RORB: variants seen among roughly 807,000 people sequenced by gnomAD.
RORB encodes nuclear receptor ROR-beta.
RORB carries 6 observed loss-of-function variants against 59.1 expected under a neutral mutation model. That is an observed-to-expected ratio of 0.10 (90% CI 0.06 to 0.20). The LOEUF is 0.20. Ranked by LOEUF, RORB falls within the 10% of genes least tolerant of loss-of-function variation. The pLI is 1.00. For missense variants in RORB, 320 were observed against 560.5 expected (o/e 0.57, Z 4.33); for synonymous variants, 215 against 204.5 (o/e 1.05, Z -0.44).
intron 1 of RORB, among the ~76,000 whole-genome samples, chr9:74,529,706 T>C (rs1463192127): frequency 6.6e-6 from 1 of 151,928 alleles, no homozygotes; most frequent in Non-Finnish European, 1.5e-5. Context: ...TGTTGGATAT[T>C]GTCATTTTTA....
intron 1 of RORB, 72 bp downstream of exon 1, chr9:74,498,055 G>A: frequency 6.4e-6 from 10 of 1,553,712 alleles, no homozygotes; most frequent in Non-Finnish European, 7.9e-6. Context: ...ATGGGGGAGG[G>A]GAGGGCACCC....
At chr9:74,563,184 C>CTTTTTT (rs766404071) in intron 1 of RORB, among the ~76,000 whole-genome samples, 5 of 127,118 alleles carry the variant, frequency 3.9e-5, no homozygotes, top group African/African-American at 5.9e-5. Context: ...TCTCTTCAGT[C>CTTTTTT]TTTTTTTTTT....
At chr9:74,585,047 G>C (rs1337079025) in intron 1 of RORB, among the ~76,000 whole-genome samples, 1 of 152,198 alleles carries the variant, frequency 6.6e-6, no homozygotes, top group East Asian at 1.9e-4. Flanking sequence ...GGTCCAGCCA[G>C]AGATCTTCAG....
intron 4 of RORB, among the ~76,000 whole-genome samples, chr9:74,643,561 A>G (rs1823845683): frequency 6.6e-6 from 1 of 152,216 alleles, no homozygotes; most frequent in Non-Finnish European, 1.5e-5. Flanking sequence ...TCAGGAGTCT[A>G]TTAAATGTTT....
At chr9:74,678,524 A>G (rs557577587) in intron 9 of RORB, among the ~76,000 whole-genome samples, 8 of 152,366 alleles carry the variant, frequency 5.3e-5, no homozygotes, top group African/African-American at 1.9e-4. Context: ...GAAGGCTTAA[A>G]CAACAATGCT....
At chr9:74,566,084 A>G (rs1822464262) in intron 1 of RORB, among the ~76,000 whole-genome samples, 1 of 152,148 alleles carries the variant, frequency 6.6e-6, no homozygotes, top group Non-Finnish European at 1.5e-5. Context: ...ATTGAGGGCA[A>G]TGGTAAATCT....
chr9:74,660,835 T>G, intron 5 of RORB, 97 bp downstream of exon 5: 1 of 1,284,512 alleles, frequency 7.8e-7, no homozygotes, highest in African/African-American at 1.5e-5. Flanking sequence ...GGCAATTCTT[T>G]TCTGTAAGGG....
intron 1 of RORB, among the ~76,000 whole-genome samples, chr9:74,561,590 T>G (rs985213039): frequency 2.0e-5 from 3 of 152,130 alleles, no homozygotes; most frequent in Non-Finnish European, 4.4e-5. Context: ...TATTTTTTAT[T>G]TTGAAATACC....
chr9:74,552,062 G>A (rs554482945), intron 1 of RORB, among the ~76,000 whole-genome samples: 1 of 152,308 alleles, frequency 6.6e-6, no homozygotes, highest in Non-Finnish European at 1.5e-5. Flanking sequence ...AATGCTGGGG[G>A]GCCGTCAGGT....
intron 4 of RORB, among the ~76,000 whole-genome samples, chr9:74,651,621 T>C (rs1440623215): frequency 6.6e-6 from 1 of 151,954 alleles, no homozygotes; most frequent in African/African-American, 2.4e-5. Context: ...AAAACATCGC[T>C]GATGCCAAAT....
chr9:74,582,974 A>G (rs1822746480), intron 1 of RORB, among the ~76,000 whole-genome samples: 1 of 152,142 alleles, frequency 6.6e-6, no homozygotes, highest in African/African-American at 2.4e-5. Flanking sequence ...AAGAGCTTCA[A>G]CCTTCTCAGG....
chr9:74,522,943 A>C (rs2118075093), intron 1 of RORB, among the ~76,000 whole-genome samples: 1 of 151,986 alleles, frequency 6.6e-6, no homozygotes, highest in East Asian at 1.9e-4. Context: ...TTAACCTAGC[A>C]CATCACACTG....
At chr9:74,624,054 A>C (rs1207960308) in intron 1 of RORB, among the ~76,000 whole-genome samples, 8 of 152,204 alleles carry the variant, frequency 5.3e-5, no homozygotes, top group Non-Finnish European at 1.0e-4. Context: ...GTAAATGTTC[A>C]TATGTAAGAT....
chr9:74,563,037 C>T (rs867329566), intron 1 of RORB, among the ~76,000 whole-genome samples: 52 of 152,214 alleles, frequency 3.4e-4, no homozygotes, highest in African/African-American at 1.2e-3. Context: ...AAGAAATTAA[C>T]AATGATATGT....
At chr9:74,500,455 G>C (rs117274243) in intron 1 of RORB, among the ~76,000 whole-genome samples, 1 of 152,086 alleles carries the variant, frequency 6.6e-6, no homozygotes, top group Admixed American at 6.6e-5. Flanking sequence ...ATCAGCTTTC[G>C]CTCGTGCAGG....
chr9:74,632,533 A>C (rs895866420), intron 2 of RORB, among the ~76,000 whole-genome samples: 2 of 152,166 alleles, frequency 1.3e-5, no homozygotes, highest in African/African-American at 4.8e-5. Flanking sequence ...CACTTATTCA[A>C]ATTTCTATTC....
chr9:74,675,514 C>T (rs765559437), intron 9 of RORB, among the ~76,000 whole-genome samples: 2 of 152,134 alleles, frequency 1.3e-5, no homozygotes, highest in African/African-American at 2.4e-5. Flanking sequence ...CTCCTGACAT[C>T]TTGTGTTGCC....
At chr9:74,670,423 G>T (rs1824328811) in intron 8 of RORB, among the ~76,000 whole-genome samples, 1 of 152,138 alleles carries the variant, frequency 6.6e-6, no homozygotes, top group Non-Finnish European at 1.5e-5. Flanking sequence ...AATGATCTAT[G>T]AAAATGATCA....
chr9:74,517,194 T>TA (rs1190991857), intron 1 of RORB, among the ~76,000 whole-genome samples: 4 of 151,980 alleles, frequency 2.6e-5, no homozygotes, highest in Admixed American at 6.6e-5. Context: ...TGTCATCTTT[T>TA]AAAAAAACTG....
Sources: gnomAD v4.1 joint callset for allele counts (sites outside exome capture counted in the v4.1 genomes callset) on GRCh38, gnomAD v4.1.1 for gene constraint, MANE v1.5 for transcripts, NCBI Gene and HGNC (gene_info 2026-07-23, HGNC 2026-07-21) for gene names.